EQTN: variants seen among roughly 807,000 people sequenced by gnomAD.
EQTN encodes Acrosome formation associated factor.
A neutral mutation model predicts 26.9 loss-of-function variants in EQTN; 29 were observed. That is an observed-to-expected ratio of 1.08 (90% CI 0.80 to 1.47). The LOEUF is 1.47. Ranked by LOEUF, EQTN falls within the 40% of genes most tolerant of loss-of-function variation. EQTN has a pLI of 0.00. For synonymous variants in EQTN, 129 were observed against 120.0 expected (o/e 1.07, Z -0.49); for missense variants, 391 against 346.1 (o/e 1.13, Z -1.03).
At chr9:27,296,760 C>T in intron 1 of EQTN, 22 bp from the exon 2 acceptor site, 1 of 1,595,298 alleles carries the variant, frequency 6.3e-7, no homozygotes, top group South Asian at 1.2e-5. Context: ...TATCACACAC[C>T]ATAGATCAGA....
chr9:27,286,409 C>A (rs2131303668), intron 6 of EQTN, 47 bp from the exon 7 acceptor site: 3 of 1,534,512 alleles, frequency 2.0e-6, no homozygotes, highest in East Asian at 4.8e-5. Context: ...TCAGTGTGTT[C>A]TCCTGAAGGA....
rs755115597 is a variant in EQTN, at chr9:27,296,638, G to T, written c.177C>A (p.Gly59=). The change falls in exon 2 of 8, where the codon GGC becomes GGA. Residue 59 remains glycine (G), a synonymous_variant. Coordinates refer to ENST00000380032, the MANE Select transcript of EQTN (RefSeq NM_020641.3). ...ATTGTTTTATATCTTTATAATAATTGCCATTTTTCTCATTAGCAGGAGCAT... is the reference window on the plus strand; with the variant it reads ...ATTGTTTTATATCTTTATAATAATTTCCATTTTTCTCATTAGCAGGAGCAT... ...PNYAPANEKN[G]NYYKDIKQYV... is the part of the protein sequence containing the mutation. 2 of 1,548,834 alleles carry T rather than the reference G, an allele frequency of 1.3e-6. No homozygotes were observed. Among genetic ancestry groups the T allele is most frequent in the East Asian group, 4.5e-5 (2 of 44,452 alleles).
intron 5 of EQTN, 95 bp downstream of exon 5, chr9:27,290,924 G>GTC (rs2131307260): frequency 1.0e-6 from 1 of 977,940 alleles, no homozygotes; most frequent in African/African-American, 1.7e-5. Flanking sequence ...TTGACTTATT[G>GTC]TCTCAGTATT....
chr9:27,293,227 T>C (rs545489412), intron 3 of EQTN, among the ~76,000 whole-genome samples: 35 of 152,186 alleles, frequency 2.3e-4, no homozygotes, highest in African/African-American at 8.2e-4. Flanking sequence ...CCAAGGAAAG[T>C]TGGGAAAGGG....
intron 6 of EQTN, among the ~76,000 whole-genome samples, chr9:27,288,568 G>C (rs958315301): frequency 2.0e-5 from 3 of 152,112 alleles, no homozygotes; most frequent in Non-Finnish European, 4.4e-5. Flanking sequence ...CTGCACACAA[G>C]TGTTTACAAT....
At chr9:27,296,525 G>A in intron 2 of EQTN, 88 bp downstream of exon 2, 1 of 928,010 alleles carries the variant, frequency 1.1e-6, no homozygotes, top group Non-Finnish European at 1.6e-6. Flanking sequence ...AATACAGGGG[G>A]AAATGATGGA....
At chr9:27,286,455 C>A in intron 6 of EQTN, 93 bp from the exon 7 acceptor site, 1 of 1,255,014 alleles carries the variant, frequency 8.0e-7, no homozygotes, top group Non-Finnish European at 1.1e-6. Flanking sequence ...GAAGCAAGCC[C>A]TCCACCATCC....
At chr9:27,295,618 G>C (rs951779675) in intron 2 of EQTN, among the ~76,000 whole-genome samples, 5 of 152,204 alleles carry the variant, frequency 3.3e-5, no homozygotes, top group Admixed American at 1.3e-4. Context: ...CGGATCACGA[G>C]GTCAGGAGAT....
In EQTN at chr9:27,284,936, T is replaced by A; in HGVS notation, c.672A>T (p.Pro224=). ...GAAAGTAAGACATCGTGGCCAGCTCTGGGTTGACAGAGTACTGACTCTCAC... is the reference window on the plus strand; with the variant it reads ...GAAAGTAAGACATCGTGGCCAGCTCAGGGTTGACAGAGTACTGACTCTCAC... The part of the protein sequence containing the change: ...KSCESQYSVN[P]ELATMSYFHP... Residue 224 remains proline, a synonymous_variant, in exon 8 of 8, where the codon CCA becomes CCT. Coordinates refer to ENST00000380032, the MANE Select transcript of EQTN (RefSeq NM_020641.3). The A allele has an allele frequency of 6.2e-7, 1 of 1,614,112 alleles. No homozygotes were observed. The highest frequency in any genetic ancestry group is 8.5e-7 in the Non-Finnish European group (1 of 1,179,994).
At chr9:27,287,314 G>A (rs1820142715) in intron 6 of EQTN, among the ~76,000 whole-genome samples, 1 of 152,196 alleles carries the variant, frequency 6.6e-6, no homozygotes, top group African/African-American at 2.4e-5. Flanking sequence ...AGTTGTCAAT[G>A]ACTCTTTTAA....
intron 4 of EQTN, chr9:27,292,119 A>G (rs1395542900): frequency 5.4e-6 from 1 of 185,136 alleles, no homozygotes; most frequent in Non-Finnish European, 1.1e-5. Context: ...AATATATACT[A>G]ATTTGTAAGT....
At chr9:27,290,181 G>A (rs950616900) in intron 5 of EQTN, among the ~76,000 whole-genome samples, 1 of 152,074 alleles carries the variant, frequency 6.6e-6, no homozygotes, top group African/African-American at 2.4e-5. Context: ...ACATTTGGGG[G>A]CCATTTTAAA....
intron 2 of EQTN, among the ~76,000 whole-genome samples, chr9:27,295,788 C>T (rs575741870): frequency 3.9e-4 from 53 of 137,410 alleles, no homozygotes; most frequent in Non-Finnish European, 6.3e-4. Context: ...GCAGAGATTG[C>T]GCCACTGCAC....
intron 7 of EQTN, among the ~76,000 whole-genome samples, 161 bp from the exon 8 acceptor site, chr9:27,285,133 C>CTTTTTTTTTTT (rs201723057): frequency 1.3e-4 from 10 of 77,080 alleles, no homozygotes; most frequent in Non-Finnish European, 2.1e-4. Flanking sequence ...TTTTCTTTTC[C>CTTTTTTTTTTT]TTTTTTTTTT....
In EQTN at chr9:27,297,148, T is replaced by A; in HGVS notation, c.-93A>T. ...CAGGTCCTGTGTCTAACTAGGACAT[T>A]ATGACATCACTGTCAGATGGGCATC... On this transcript the variant is annotated 5_prime_UTR_variant, in exon 1 of 8. Transcript: ENST00000380032. 1.2e-6 allele frequency: 1 copy of A among 819,782 alleles called. No individual in the cohort carries two copies. Among genetic ancestry groups the A allele is most frequent in the Non-Finnish European group, 1.9e-6 (1 of 517,116 alleles). 50.8% of individuals were successfully genotyped at this position (819,782 alleles called of 1,614,324 possible). A position where few individuals can be genotyped will look rare whatever the true frequency, so the allele number is the denominator to read the frequency against.
chr9:27,289,244 C>A (rs571746454), intron 6 of EQTN, among the ~76,000 whole-genome samples: 1 of 152,236 alleles, frequency 6.6e-6, no homozygotes, highest in East Asian at 1.9e-4. Flanking sequence ...TGTTACAAAA[C>A]AGGAAGGTGG....
chr9:27,290,146 G>A (rs1820202416), intron 5 of EQTN, among the ~76,000 whole-genome samples: 1 of 152,004 alleles, frequency 6.6e-6, no homozygotes, highest in African/African-American at 2.4e-5. Context: ...TTGCACTTAG[G>A]AACAATAACC....
At chr9:27,295,157 A>G (rs1820310852) in intron 2 of EQTN, among the ~76,000 whole-genome samples, 1 of 152,238 alleles carries the variant, frequency 6.6e-6, no homozygotes, top group South Asian at 2.1e-4. Flanking sequence ...AAAACTGCAC[A>G]TAGACTAAAT....
chr9:27,286,651 A>C (rs913812535), intron 6 of EQTN, among the ~76,000 whole-genome samples: 2 of 152,236 alleles, frequency 1.3e-5, no homozygotes, highest in African/African-American at 4.8e-5. Context: ...AAGTGGCAAA[A>C]GCTGGTTGCA....
Sources: gnomAD v4.1 joint callset for allele counts (sites outside exome capture counted in the v4.1 genomes callset) on GRCh38, gnomAD v4.1.1 for gene constraint, MANE v1.5 for transcripts, NCBI Gene and HGNC (gene_info 2026-07-23, HGNC 2026-07-21) for gene names.